Variants in CAST observed in about 807,000 individuals in gnomAD.
CAST encodes the protein MIR583 host.
Under a neutral mutation model 119.6 loss-of-function variants are expected in CAST, and 76 were observed. The ratio of observed to expected loss-of-function variants is 0.64; its 90% CI spans 0.53 to 0.77. CAST has a LOEUF of 0.77. Ranked by LOEUF, CAST falls within the 30% of genes least tolerant of loss-of-function variation. The pLI is 0.00. For missense variants in CAST, 953 were observed against 946.5 expected (o/e 1.01, Z -0.09); for synonymous variants, 319 against 331.6 (o/e 0.96, Z 0.41).
At chr5:96,528,401 G>C (rs561628471), upstream of CAST, among the ~76,000 whole-genome samples, 1 of 152,092 alleles carries the variant, frequency 6.6e-6, no homozygotes, top group African/African-American at 2.4e-5. Context: ...GCAACCATTG[G>C]CCCCCCTTCC....
chr5:96,620,513 G>A (rs13187180), intron 1 of CAST, among the ~76,000 whole-genome samples: 5,584 of 152,230 alleles, frequency 0.037, 159 homozygotes, highest in South Asian at 0.12. Context: ...GTACTCTGCA[G>A]TGTACTCTGT....
upstream of CAST, among the ~76,000 whole-genome samples, chr5:96,659,238 T>C (rs1461323437): frequency 6.6e-6 from 1 of 152,178 alleles, no homozygotes; most frequent in African/African-American, 2.4e-5. Flanking sequence ...AGACATGAGG[T>C]GAACACACAT....
At chr5:96,468,094 A>G in the CAST span, among the ~76,000 whole-genome samples, 5 of 152,036 alleles carry the variant, frequency 3.3e-5, no homozygotes, top group Admixed American at 6.6e-5. Flanking sequence ...GCTGCAAAAG[A>G]CATTATTTTA....
At chr5:96,587,533 AC>A (rs1746882315) in intron 1 of CAST, among the ~76,000 whole-genome samples, 1 of 152,210 alleles carries the variant, frequency 6.6e-6, no homozygotes, top group Admixed American at 6.5e-5. Flanking sequence ...TTGTTGGGAC[AC>A]AGAAGGTAAG....
At chr5:96,606,173 A>C (rs73774326) in intron 1 of CAST, among the ~76,000 whole-genome samples, 1,940 of 152,016 alleles carry the variant, frequency 0.013, 34 homozygotes, top group African/African-American at 0.039. Context: ...ACAACAACAA[A>C]AAAAAAACAC....
intron 24 of CAST, among the ~76,000 whole-genome samples, chr5:96,758,809 G>A (rs1766972116): frequency 6.6e-6 from 1 of 152,090 alleles, no homozygotes; most frequent in Admixed American, 6.5e-5. Context: ...CCACATCACA[G>A]CAAAGCACTC....
At chr5:96,208,543 T>A in the CAST span, among the ~76,000 whole-genome samples, 1 of 152,074 alleles carries the variant, frequency 6.6e-6, no homozygotes, top group Non-Finnish European at 1.5e-5. Flanking sequence ...TCTCATTAAT[T>A]TCAGAGAATT....
chr5:96,463,941 A>G, the CAST span, among the ~76,000 whole-genome samples: 1 of 152,134 alleles, frequency 6.6e-6, no homozygotes, highest in Non-Finnish European at 1.5e-5. Flanking sequence ...AGAAACAGAT[A>G]AAGTGAGTCA....
chr5:96,486,726 T>C, the CAST span, among the ~76,000 whole-genome samples: 5 of 151,976 alleles, frequency 3.3e-5, no homozygotes, highest in Non-Finnish European at 4.4e-5. Flanking sequence ...ATTCTGCCAG[T>C]AAAAAATGTA....
At chr5:96,180,639 T>G in the CAST span, among the ~76,000 whole-genome samples, 1 of 152,116 alleles carries the variant, frequency 6.6e-6, no homozygotes, top group African/African-American at 2.4e-5. Flanking sequence ...GAAAGACACA[T>G]GGAAAAATGT....
intron 2 of CAST, among the ~76,000 whole-genome samples, chr5:96,688,096 TA>T (rs1752286253): frequency 6.6e-6 from 1 of 152,212 alleles, no homozygotes; most frequent in South Asian, 2.1e-4. Context: ...GGTACAGTGT[TA>T]AAAAATTATG....
chr5:96,002,890 A>G, the CAST span, among the ~76,000 whole-genome samples: 3 of 152,202 alleles, frequency 2.0e-5, no homozygotes, highest in Non-Finnish European at 4.4e-5. Context: ...AGTCTTTCTT[A>G]TGGTAATATA....
At chr5:96,650,467 G>A (rs1418632891) in intron 1 of CAST, among the ~76,000 whole-genome samples, 1 of 152,122 alleles carries the variant, frequency 6.6e-6, no homozygotes, top group Non-Finnish European at 1.5e-5. Flanking sequence ...TTGAAGTATA[G>A]CCTGTCTTAT....
chr5:96,021,306 A>C, the CAST span, among the ~76,000 whole-genome samples: 3 of 152,234 alleles, frequency 2.0e-5, no homozygotes, highest in Non-Finnish European at 4.4e-5. Context: ...TTCACACACA[A>C]AAATTTTTTT....
chr5:96,012,390 C>T, the CAST span, among the ~76,000 whole-genome samples: 1 of 151,872 alleles, frequency 6.6e-6, no homozygotes. Flanking sequence ...TTTTTTAGTC[C>T]TTCTGTTGTT....
the CAST span, among the ~76,000 whole-genome samples, chr5:96,295,103 T>C: frequency 3.9e-5 from 6 of 152,202 alleles, no homozygotes; most frequent in African/African-American, 1.2e-4. Context: ...GCAAACAAAC[T>C]AGTAGAAATT....
chr5:96,450,658 A>G, the CAST span, among the ~76,000 whole-genome samples: 1 of 152,228 alleles, frequency 6.6e-6, no homozygotes, highest in Admixed American at 6.5e-5. Context: ...TCAGAAATAT[A>G]ATTTTCCCTG....
chr5:96,308,207 T>C, the CAST span, among the ~76,000 whole-genome samples: 1 of 151,878 alleles, frequency 6.6e-6, no homozygotes, highest in African/African-American at 2.4e-5. Context: ...TGAGTTGATC[T>C]TCAATCTCTG....
the CAST span, among the ~76,000 whole-genome samples, chr5:96,376,249 T>G: frequency 2.0e-5 from 3 of 151,980 alleles, no homozygotes; most frequent in African/African-American, 7.2e-5. Flanking sequence ...GTAGCCATCC[T>G]AATATAGCAT....
Sources: gnomAD v4.1 joint callset for allele counts (sites outside exome capture counted in the v4.1 genomes callset) on GRCh38, gnomAD v4.1.1 for gene constraint, MANE v1.5 for transcripts, NCBI Gene and HGNC (gene_info 2026-07-23, HGNC 2026-07-21) for gene names.